MYOF: variants seen among roughly 807,000 people sequenced by gnomAD.
MYOF encodes fer-1-like 3, myoferlin.
In MYOF, 244 loss-of-function variants were observed where a neutral mutation model predicts 284.2. The observed-to-expected ratio is 0.86, with a 90% CI of 0.77 to 0.95. The LOEUF (loss-of-function observed/expected upper bound fraction) is 0.95, where lower values mean the gene tolerates loss of function less well. MYOF is among the 40% of genes least tolerant of loss of function. The probability of loss-of-function intolerance (pLI) is 0.00; values close to 1 mark genes in which losing one functional copy is unlikely to be tolerated. For missense variants in MYOF, 2,496 were observed against 2,560.6 expected (o/e 0.97, Z 0.54); for synonymous variants, 904 against 919.7 (o/e 0.98, Z 0.31).
intron 51 of MYOF, among the ~76,000 whole-genome samples, chr10:93,311,825 G>A (rs896777824): frequency 1.3e-5 from 2 of 152,162 alleles, no homozygotes; most frequent in Admixed American, 6.5e-5. Context: ...TTTTGGAATC[G>A]CTAAAGTGGG....
At chr10:93,327,741 G>T (rs1273019154) in intron 45 of MYOF, among the ~76,000 whole-genome samples, 2 of 151,990 alleles carry the variant, frequency 1.3e-5, no homozygotes, top group Non-Finnish European at 2.9e-5. Context: ...AAAATGGAAA[G>T]ACAAAACATA....
chr10:93,427,599 TA>T (rs952367158), intron 4 of MYOF, among the ~76,000 whole-genome samples: 1 of 140,358 alleles, frequency 7.1e-6, no homozygotes. Flanking sequence ...TAAAATAGGA[TA>T]AAAAAAGGAG....
At chr10:93,348,755 G>A (rs1290089385) in intron 36 of MYOF, among the ~76,000 whole-genome samples, 1 of 152,118 alleles carries the variant, frequency 6.6e-6, no homozygotes, top group African/African-American at 2.4e-5. Context: ...ATCCCCTTGT[G>A]TAAATCTGTT....
chr10:93,399,285 T>C (rs1847165002), intron 13 of MYOF, 107 bp downstream of exon 13: 1 of 815,260 alleles, frequency 1.2e-6, no homozygotes, highest in African/African-American at 1.7e-5. Context: ...GCCTGGCTCA[T>C]CAGGGGGCTA....
At chr10:93,331,566 C>T (rs113371348) in intron 43 of MYOF, among the ~76,000 whole-genome samples, 2 of 152,274 alleles carry the variant, frequency 1.3e-5, no homozygotes, top group South Asian at 2.1e-4. Flanking sequence ...CTCCTTCCTG[C>T]CCTGCGTGCC....
chr10:93,476,295 A>G (rs1410164004), intron 1 of MYOF, among the ~76,000 whole-genome samples: 1 of 120,238 alleles, frequency 8.3e-6, no homozygotes, highest in Admixed American at 1.1e-4. Context: ...CTTTGTTGCC[A>G]GGCTGGAGTG....
chr10:93,460,767 CAAAA>C (rs757591863), intron 1 of MYOF, among the ~76,000 whole-genome samples: 3 of 25,324 alleles, frequency 1.2e-4, no homozygotes, highest in East Asian at 1.3e-3. Context: ...ACCCCATCTC[CAAAA>C]AAAAAAAAAA....
At position 93,460,197 on chromosome 10, in the gene MYOF, C is replaced by T. The variant is rs148637183; in HGVS notation, c.89-3260G>A. On this transcript the variant is annotated intron_variant, in intron 1 of 53. Coordinates refer to ENST00000359263, the MANE Select transcript of MYOF (RefSeq NM_013451.4). ...GGCTCCAGGGAGGTCACAGAAAAAA[C>T]CAGCGCTTGTCAACATGAAACAAGT... is the stretch of plus-strand genomic sequence containing the variant. Among the ~76,000 whole-genome samples, 1,021 of 152,248 alleles carry T rather than the reference C, an allele frequency of 6.7e-3. 11 individuals are homozygous for T. Among genetic ancestry groups the T allele is most frequent in the Non-Finnish European group, 0.011 (718 of 68,010 alleles).
chr10:93,350,575 A>G (rs1844462523), intron 35 of MYOF, among the ~76,000 whole-genome samples: 1 of 152,186 alleles, frequency 6.6e-6, no homozygotes, highest in Non-Finnish European at 1.5e-5. Context: ...GGCCTCCCAA[A>G]GTGCTGGAAT....
At position 93,374,841 on chromosome 10, in the gene MYOF, C is replaced by A. The variant is rs761873899; in HGVS notation, c.2223G>T (p.Arg741Ser). 1.1e-5 allele frequency: 18 copies of A among 1,614,200 alleles called. No individual in the cohort carries two copies. The highest frequency in any genetic ancestry group is 1.5e-5 in the Non-Finnish European group (18 of 1,180,022). ...TGGACTTCACATCTGTGGCTTCCGA[C>A]CTCATCCTCACAGCCGCCTCATGTA... ...SQIHEAAVRM[R>S]SEATDVKSTL... Residue 741 changes from arginine to serine, a missense_variant, in exon 23 of 54, where the codon AGG becomes AGT. Transcript: ENST00000359263.
rs78665262 is a variant in MYOF, at chr10:93,459,273, T to C, written c.89-2336A>G. Among the ~76,000 whole-genome samples the C allele has an allele frequency of 7.1e-3, 1,084 of 152,316 alleles. 11 individuals carry two copies. Among genetic ancestry groups the C allele is most frequent in the African/African-American group, 0.025 (1,044 of 41,574 alleles). Reference sequence around the variant, plus strand: ...CCAATCCTCCTCTCTGGTTACAGTATAAGAAAGTGCTCTTGAGAGAAACAG... The same window carrying C: ...CCAATCCTCCTCTCTGGTTACAGTACAAGAAAGTGCTCTTGAGAGAAACAG... On this transcript the variant is annotated intron_variant, in intron 1 of 53. Transcript: ENST00000359263.
chr10:93,329,883 C>G, intron 43 of MYOF, 49 bp from the exon 44 acceptor site: 1 of 1,586,962 alleles, frequency 6.3e-7, no homozygotes, highest in Non-Finnish European at 8.6e-7. Context: ...ATCTGAGTAC[C>G]TCACAAAAAC....
intron 41 of MYOF, among the ~76,000 whole-genome samples, chr10:93,335,270 C>A (rs145252926): frequency 1.9e-3 from 284 of 151,934 alleles, no homozygotes; most frequent in African/African-American, 6.2e-3. Flanking sequence ...GGGGCTTGGG[C>A]GAGGCTCTCC....
At chr10:93,478,307 G>C in intron 1 of MYOF, 1 of 225,410 alleles carries the variant, frequency 4.4e-6, no homozygotes. Flanking sequence ...TGGAACTTAG[G>C]GCAGAATGGC....
chr10:93,460,870 C>T (rs979906371), intron 1 of MYOF, among the ~76,000 whole-genome samples: 15 of 151,254 alleles, frequency 9.9e-5, no homozygotes, highest in African/African-American at 3.4e-4. Flanking sequence ...CTGAGGCAGG[C>T]GGATCACCTG....
chr10:93,462,142 G>A (rs1426009719), intron 1 of MYOF, among the ~76,000 whole-genome samples: 4 of 150,780 alleles, frequency 2.7e-5, no homozygotes, highest in African/African-American at 9.8e-5. Context: ...CCAGGCTGGA[G>A]TGCAATGGCA....
chr10:93,456,756 C>A, intron 2 of MYOF, 126 bp downstream of exon 2: 1 of 687,324 alleles, frequency 1.5e-6, no homozygotes, highest in South Asian at 1.9e-5. Flanking sequence ...CAAAGGGAAA[C>A]GGAGTGGGTG....
intron 16 of MYOF, among the ~76,000 whole-genome samples, 188 bp downstream of exon 16, chr10:93,395,954 A>G (rs1293412422): frequency 6.6e-6 from 1 of 150,586 alleles, no homozygotes; most frequent in Admixed American, 6.7e-5. Flanking sequence ...CAGTTTACTT[A>G]TATACTTCAA....
At chr10:93,365,101 C>T (rs1845268057) in intron 26 of MYOF, among the ~76,000 whole-genome samples, 1 of 152,188 alleles carries the variant, frequency 6.6e-6, no homozygotes, top group African/African-American at 2.4e-5. Flanking sequence ...CCACCCAGAG[C>T]AAGCTGCCTG....
Sources: allele counts gnomAD v4.1 joint callset (sites outside exome capture counted in the v4.1 genomes callset), GRCh38; gene constraint gnomAD v4.1.1; transcripts MANE v1.5; gene names NCBI Gene and HGNC (gene_info 2026-07-23, HGNC 2026-07-21).